The following TAFA5 variants were observed in gnomAD, a reference collection of about 807,000 sequenced individuals.
The protein encoded by TAFA5 is chemokine-like protein TAFA-5.
In TAFA5, 6 loss-of-function variants were observed where a neutral mutation model predicts 15.3. That is an observed-to-expected ratio of 0.39 (90% CI 0.21 to 0.77). The LOEUF is 0.77. Ranked by LOEUF, TAFA5 falls within the 30% of genes least tolerant of loss-of-function variation. The pLI is 0.41. For synonymous variants in TAFA5, 103 were observed against 80.7 expected (o/e 1.28, Z -1.48); for missense variants, 161 against 193.1 (o/e 0.83, Z 0.98).
intron 1 of TAFA5, among the ~76,000 whole-genome samples, chr22:48,588,169 G>T (rs1924428567): frequency 6.6e-6 from 1 of 152,232 alleles, no homozygotes; most frequent in African/African-American, 2.4e-5. Flanking sequence ...CTTGGCAGAG[G>T]TGGCAAGGTG....
chr22:48,507,197 G>A lies in TAFA5; in HGVS notation c.112+17493G>A, dbSNP rs1191125624. Among the ~76,000 whole-genome samples, 698 of 121,936 alleles carry A rather than the reference G, an allele frequency of 5.7e-3. 10 individuals carry two copies. The highest frequency in any genetic ancestry group is 8.4e-3 in the Admixed American group (111 of 13,260). 80.0% of individuals were successfully genotyped at this position (121,936 alleles called of 152,430 possible). On this transcript the variant is annotated intron_variant, in intron 1 of 3. Coordinates refer to ENST00000402357, the MANE Select transcript of TAFA5 (RefSeq NM_001082967.3). Reference sequence around the variant, plus strand: ...TGTGTAGTTGGAGAAGGAGACGGCCGCCAAGGGCCAGGTGTGCAGTTGGAG... The same window carrying A: ...TGTGTAGTTGGAGAAGGAGACGGCCACCAAGGGCCAGGTGTGCAGTTGGAG...
intron 3 of TAFA5, among the ~76,000 whole-genome samples, chr22:48,722,751 C>T (rs1391398736): frequency 6.6e-6 from 1 of 152,170 alleles, no homozygotes; most frequent in African/African-American, 2.4e-5. Context: ...AAGGTGGGTG[C>T]ACGCCACAGG....
chr22:48,605,210 G>GTGGTGATGGTGA (rs1925123090), intron 1 of TAFA5, among the ~76,000 whole-genome samples: 1 of 3,144 alleles, frequency 3.2e-4, no homozygotes, highest in Non-Finnish European at 5.5e-4. Flanking sequence ...GATGATGGTG[G>GTGGTGATGGTGA]TGATGGTGGT....
At chr22:48,531,971 G>A (rs981562781) in intron 1 of TAFA5, among the ~76,000 whole-genome samples, 3 of 152,228 alleles carry the variant, frequency 2.0e-5, no homozygotes, top group African/African-American at 4.8e-5. Context: ...AGCTGGTGAC[G>A]CTTCTGGGTC....
At chr22:48,528,248 G>A (rs1921848455) in intron 1 of TAFA5, among the ~76,000 whole-genome samples, 1 of 152,208 alleles carries the variant, frequency 6.6e-6, no homozygotes, top group Admixed American at 6.5e-5. Context: ...GAGTGAGATG[G>A]GAGTGGGCCT....
At chr22:48,700,415 G>C (rs1281305030) in intron 2 of TAFA5, among the ~76,000 whole-genome samples, 1 of 152,204 alleles carries the variant, frequency 6.6e-6, no homozygotes, top group African/African-American at 2.4e-5. Flanking sequence ...TAGAGCTCCC[G>C]GGGCAGAGCA....
chr22:48,687,293 TG>T (rs1429417170), intron 2 of TAFA5, among the ~76,000 whole-genome samples: 8 of 150,016 alleles, frequency 5.3e-5, no homozygotes, highest in African/African-American at 2.0e-4. Flanking sequence ...GACGGATGGA[TG>T]GGTGGATGGG....
chr22:48,490,727 A>G lies in TAFA5; in HGVS notation c.112+1023A>G, dbSNP rs1928120228. ...GGACGGGTGCTGGGGAGCACCTGTC[A>G]TGGAGAATTGCCATGGGCGCGGGAG... On this transcript the variant is annotated intron_variant, in intron 1 of 3. Transcript: ENST00000402357. The surrounding 1 kb of genome is among the most constrained non-coding windows in gnomAD (Gnocchi z 5.8). Among the ~76,000 whole-genome samples, 1 of 146,894 alleles carries G rather than the reference A, an allele frequency of 6.8e-6. No homozygotes were observed. Among genetic ancestry groups the G allele is most frequent in the Admixed American group, 6.9e-5 (1 of 14,550 alleles).
At chr22:48,602,521 C>T (rs1373720076) in intron 1 of TAFA5, among the ~76,000 whole-genome samples, 1 of 152,188 alleles carries the variant, frequency 6.6e-6, no homozygotes, top group Non-Finnish European at 1.5e-5. Flanking sequence ...TACCTCTCAC[C>T]CCCTTGCAGT....
intron 2 of TAFA5, among the ~76,000 whole-genome samples, chr22:48,667,424 T>C (rs1927654023): frequency 6.6e-6 from 1 of 152,078 alleles, no homozygotes; most frequent in African/African-American, 2.4e-5. Context: ...TTTCCTGAAA[T>C]AGCCGTAACT....
At chr22:48,494,165 T>C (rs1928246581) in intron 1 of TAFA5, among the ~76,000 whole-genome samples, 1 of 152,234 alleles carries the variant, frequency 6.6e-6, no homozygotes, top group African/African-American at 2.4e-5. Flanking sequence ...TTTTGTGGCA[T>C]GAAGCATTTT....
chr22:48,653,568 T>C (rs1927132297), intron 2 of TAFA5, among the ~76,000 whole-genome samples: 2 of 152,186 alleles, frequency 1.3e-5, no homozygotes, highest in East Asian at 3.9e-4. Context: ...CCAAGCACTT[T>C]GCTTCATCAG....
chr22:48,668,810 C>T (rs943701434), intron 2 of TAFA5, among the ~76,000 whole-genome samples: 1 of 152,256 alleles, frequency 6.6e-6, no homozygotes, highest in Admixed American at 6.5e-5. Flanking sequence ...GAGGACACCA[C>T]CTGGCTGGCA....
chr22:48,624,531 T>C (rs1011902104), intron 1 of TAFA5, among the ~76,000 whole-genome samples: 8 of 152,198 alleles, frequency 5.3e-5, no homozygotes, highest in Admixed American at 4.6e-4. Context: ...TGTTTATCAG[T>C]GTGGACTGAT....
chr22:48,720,916 G>C (rs1929549497), intron 3 of TAFA5, among the ~76,000 whole-genome samples: 1 of 152,188 alleles, frequency 6.6e-6, no homozygotes, highest in African/African-American at 2.4e-5. Context: ...GTGGATCCCA[G>C]AATAGGCACT....
At chr22:48,696,469 G>T (rs1359780179) in intron 2 of TAFA5, among the ~76,000 whole-genome samples, 1 of 152,140 alleles carries the variant, frequency 6.6e-6, no homozygotes, top group African/African-American at 2.4e-5. Context: ...CCTGCCCAGG[G>T]ACAGGAGGTG....
At chr22:48,647,777 G>T (rs539869841) in intron 2 of TAFA5, among the ~76,000 whole-genome samples, 1 of 152,166 alleles carries the variant, frequency 6.6e-6, no homozygotes, top group Non-Finnish European at 1.5e-5. Context: ...CCACGCAGGG[G>T]TATTGGATGC....
At chr22:48,685,953 TGCGCCCCGGGA>T (rs1183445211) in intron 2 of TAFA5, among the ~76,000 whole-genome samples, 32 of 135,620 alleles carry the variant, frequency 2.4e-4, no homozygotes, top group African/African-American at 1.2e-3. Flanking sequence ...AGGCCCCACG[TGCGCCCCGGGA>T]GTACACGCAG....
At chr22:48,737,684 G>C (rs1325550899) in intron 3 of TAFA5, among the ~76,000 whole-genome samples, 6 of 152,232 alleles carry the variant, frequency 3.9e-5, no homozygotes, top group Non-Finnish European at 8.8e-5. Flanking sequence ...CGAGAGGTGG[G>C]CAGTTCCCAA....
Sources: gnomAD v4.1 joint callset for allele counts (sites outside exome capture counted in the v4.1 genomes callset) on GRCh38, gnomAD v4.1.1 for gene constraint, Gnocchi (gnomAD v3.1) non-coding constraint, MANE v1.5 for transcripts, NCBI Gene and HGNC (gene_info 2026-07-23, HGNC 2026-07-21) for gene names.